The following KIDINS220 variants were observed in gnomAD, a reference collection of about 807,000 sequenced individuals.
KIDINS220 encodes kinase D interacting substrate 220, also known as kinase D-interacting substrate of 220 kDa.
A neutral mutation model predicts 157.6 loss-of-function variants in KIDINS220; 63 were observed. The ratio of observed to expected loss-of-function variants is 0.40; its 90% CI spans 0.33 to 0.49. The LOEUF (loss-of-function observed/expected upper bound fraction) is 0.49. KIDINS220 is among the 20% of genes least tolerant of loss of function. The pLI, the probability that KIDINS220 is intolerant of heterozygous loss-of-function variation, is 0.66. For synonymous variants in KIDINS220, 732 were observed against 783.6 expected, an observed-to-expected ratio of 0.93 and a Z score of 1.10; for missense variants, 1,772 against 2,171.2, an observed-to-expected ratio of 0.82 and a Z score of 3.65.
intron 1 of KIDINS220, among the ~76,000 whole-genome samples, chr2:8,833,986 G>A (rs565495244): frequency 3.2e-4 from 49 of 152,242 alleles, no homozygotes; most frequent in African/African-American, 1.2e-3. Flanking sequence ...TGCTGCCCAA[G>A]GCTTACTTAT....
intron 26 of KIDINS220, among the ~76,000 whole-genome samples, chr2:8,742,128 C>T (rs906691525): frequency 6.7e-6 from 1 of 149,130 alleles, no homozygotes; most frequent in African/African-American, 2.5e-5. Flanking sequence ...GTGAGCCCCA[C>T]TTTTTTTTTT....
At chr2:8,770,606 GTT>G (rs57679000) in intron 22 of KIDINS220, 62 bp downstream of exon 22, 34,263 of 698,402 alleles carry the variant, frequency 0.049, 1 homozygote, top group South Asian at 0.064. Flanking sequence ...CTTTATACGC[GTT>G]TTTTTTTTTT....
intron 8 of KIDINS220, among the ~76,000 whole-genome samples, chr2:8,801,921 C>T (rs1353352691): frequency 1.3e-5 from 2 of 152,194 alleles, no homozygotes; most frequent in African/African-American, 2.4e-5. Context: ...AAAGTGATCA[C>T]GTAACTACTT....
At chr2:8,781,325 C>T (rs1230360422) in intron 17 of KIDINS220, among the ~76,000 whole-genome samples, 1 of 151,454 alleles carries the variant, frequency 6.6e-6, no homozygotes, top group Non-Finnish European at 1.5e-5. Context: ...TAGCTTGAGA[C>T]CTCAATACCA....
At chr2:8,836,567 G>T (rs1461148977) in intron 1 of KIDINS220, among the ~76,000 whole-genome samples, 1 of 152,228 alleles carries the variant, frequency 6.6e-6, no homozygotes, top group Non-Finnish European at 1.5e-5. Flanking sequence ...ACCCCAAAAT[G>T]ATTCTGATGA....
intron 22 of KIDINS220, among the ~76,000 whole-genome samples, chr2:8,767,538 A>C (rs1669637564): frequency 6.6e-6 from 1 of 152,168 alleles, no homozygotes; most frequent in Non-Finnish European, 1.5e-5. Context: ...TGCTATCCAC[A>C]TTCATAACTT....
At chr2:8,803,796 G>A (rs1377493911) in intron 7 of KIDINS220, among the ~76,000 whole-genome samples, 3 of 152,112 alleles carry the variant, frequency 2.0e-5, no homozygotes, top group Admixed American at 6.5e-5. Context: ...GATCATTTGA[G>A]GCCAGGAGTT....
At chr2:8,803,199 AT>A in intron 7 of KIDINS220, 72 bp from the exon 8 acceptor site, 1 of 1,228,050 alleles carries the variant, frequency 8.1e-7, no homozygotes, top group Non-Finnish European at 1.1e-6. Flanking sequence ...AAAATATATG[AT>A]TTATGCCATA....
At chr2:8,751,687 T>A in intron 22 of KIDINS220, 43 bp from the exon 23 acceptor site, 1 of 1,370,312 alleles carries the variant, frequency 7.3e-7, no homozygotes, top group Non-Finnish European at 1.0e-6. Flanking sequence ...AATGTCACTA[T>A]TAGAAAGGTA....
At chr2:8,767,223 C>T (rs1669599748) in intron 22 of KIDINS220, among the ~76,000 whole-genome samples, 1 of 151,862 alleles carries the variant, frequency 6.6e-6, no homozygotes, top group African/African-American at 2.4e-5. Context: ...GCGGTCAAAG[C>T]AAGTGTGTTT....
chr2:8,796,547 T>C (rs1673951334), intron 11 of KIDINS220, among the ~76,000 whole-genome samples: 1 of 152,138 alleles, frequency 6.6e-6, no homozygotes, highest in South Asian at 2.1e-4. Context: ...CCACAGCTGC[T>C]GTGAGCCGTA....
Position 8,757,575 on chromosome 2 carries a change from TTGC to T in KIDINS220, c.3012-5934_3012-5932del, listed in dbSNP as rs1269001019. ...GTCTCATGAAGGCCAGTACCTCTGG[TTGC>T]TGAAGTTTTGAATATTTGCCATTTT... is the stretch of plus-strand genomic sequence containing the variant. On this transcript the variant is annotated intron_variant, in intron 22 of 29. Coordinates refer to ENST00000256707, the MANE Select transcript of KIDINS220 (RefSeq NM_020738.4). 114 of 1,532,290 alleles carry T rather than the reference TTGC, an allele frequency of 7.4e-5. 2 individuals are homozygous for T. In the South Asian group the frequency reaches 1.2e-3, roughly 16 times the overall value. 94.9% of individuals were successfully genotyped at this position (1,532,290 alleles called of 1,614,324 possible).
Position 8,789,866 on chromosome 2 carries a change from A to C in KIDINS220, c.1621+14T>G. ...TTTCTCCATTTTTGAAAAAGATAAA[A>C]AGCAAAGACTTACTAAAGAATATAT... On this transcript the variant is annotated intron_variant, in intron 14 of 29. Coordinates refer to ENST00000256707, the MANE Select transcript of KIDINS220 (RefSeq NM_020738.4). 2 of 1,557,996 alleles carry C rather than the reference A, an allele frequency of 1.3e-6. No individual in the cohort carries two copies. Among genetic ancestry groups the C allele is most frequent in the Non-Finnish European group, 1.7e-6 (2 of 1,156,150 alleles).
At chr2:8,762,030 C>A (rs1272111776) in intron 22 of KIDINS220, among the ~76,000 whole-genome samples, 2 of 152,112 alleles carry the variant, frequency 1.3e-5, no homozygotes, top group Non-Finnish European at 2.9e-5. Context: ...CTTTAATAAT[C>A]AGACTTGTTT....
chr2:8,824,216 C>T (rs138824998), intron 2 of KIDINS220, among the ~76,000 whole-genome samples: 1 of 152,168 alleles, frequency 6.6e-6, no homozygotes, highest in East Asian at 1.9e-4. Context: ...AAAACATTAG[C>T]TATTATTCAA....
intron 22 of KIDINS220, among the ~76,000 whole-genome samples, chr2:8,753,210 G>A (rs547352959): frequency 2.0e-5 from 3 of 151,638 alleles, no homozygotes; most frequent in South Asian, 2.1e-4. Flanking sequence ...TCCACACAAC[G>A]GAATACTACT....
intron 15 of KIDINS220, among the ~76,000 whole-genome samples, chr2:8,786,563 TA>T (rs1672424287): frequency 6.6e-6 from 1 of 152,136 alleles, no homozygotes; most frequent in African/African-American, 2.4e-5. Flanking sequence ...GAAAAAACAG[TA>T]ACAAAAGTGA....
intron 11 of KIDINS220, 147 bp from the exon 12 acceptor site, chr2:8,794,134 T>A (rs1481272047): frequency 1.5e-5 from 8 of 549,418 alleles, no homozygotes; most frequent in Non-Finnish European, 2.4e-5. Context: ...AATTTTTATC[T>A]CTATCTTCCC....
intron 4 of KIDINS220, among the ~76,000 whole-genome samples, chr2:8,817,411 A>G (rs1677223068): frequency 6.6e-6 from 1 of 152,224 alleles, no homozygotes. Context: ...TCCAAAATAA[A>G]TGAAAAATGA....
Sources: allele counts gnomAD v4.1 joint callset (sites outside exome capture counted in the v4.1 genomes callset), GRCh38; gene constraint gnomAD v4.1.1; transcripts MANE v1.5; gene names NCBI Gene and HGNC (gene_info 2026-07-23, HGNC 2026-07-21).